The following ADHFE1 variants were observed in gnomAD, a reference collection of about 807,000 sequenced individuals.
The protein encoded by ADHFE1 is alcohol dehydrogenase iron containing 1.
ADHFE1 carries 37 observed loss-of-function variants against 54.8 expected under a neutral mutation model. The observed-to-expected ratio is 0.68, with a 90% CI of 0.52 to 0.89. ADHFE1 has a LOEUF of 0.89. Ranked by LOEUF, ADHFE1 falls within the 40% of genes least tolerant of loss-of-function variation. The pLI is 0.00. For synonymous variants in ADHFE1, 203 were observed against 229.3 expected (o/e 0.89, Z 1.04); for missense variants, 601 against 591.2 (o/e 1.02, Z -0.17).
Position 66,432,550 on chromosome 8 carries a change from T to A in ADHFE1, c.34T>A (p.Leu12Met), listed in dbSNP as rs760514055. Residue 12 changes from leucine (L) to methionine (M), a missense_variant, in exon 1 of 14, where the codon TTG (leucine) becomes ATG (methionine). By Grantham distance (15) the Leu-to-Met change is conservative. Coordinates refer to ENST00000396623, the MANE Select transcript of ADHFE1 (RefSeq NM_144650.3). ...AAAARARVAY[L>M]LRQLQRAACQ... ...TGCCGCCCGAGCCCGGGTCGCGTAC[T>A]TGCTGAGGCAACTGCAACGCGCAGC... 5 of 1,356,372 alleles carry A rather than the reference T, an allele frequency of 3.7e-6. No homozygotes were observed. In the South Asian group the frequency reaches 9.3e-5, roughly 25 times the overall value. The allele number at this position is 1,356,372 out of a possible 1,614,324, so 84.0% of individuals were successfully genotyped here.
chr8:66,444,525 C>T lies in ADHFE1; in HGVS notation c.199-69C>T, dbSNP rs62511185. The T allele has an allele frequency of 5.4e-3, 8,756 of 1,607,190 alleles. 35 individuals are homozygous for T. The highest frequency in any genetic ancestry group is 6.3e-3 in the Non-Finnish European group (7,378 of 1,174,824). On this transcript the variant is annotated intron_variant, in intron 4 of 13. Transcript: ENST00000396623. ...ATCCTCTATTTTTAAAAATGTACAA[C>T]GTGAGTTTGCCAGAAGAGTCTATTG...
At chr8:66,460,632 C>T (rs1264261362) in intron 13 of ADHFE1, among the ~76,000 whole-genome samples, 167 bp downstream of exon 13, 1 of 152,218 alleles carries the variant, frequency 6.6e-6, no homozygotes, top group Non-Finnish European at 1.5e-5. Flanking sequence ...TGCAACAGGG[C>T]CAGGCCCTCG....
intron 8 of ADHFE1, 134 bp downstream of exon 8, chr8:66,449,104 CT>C (rs1175363778): frequency 1.2e-5 from 9 of 749,758 alleles, no homozygotes; most frequent in East Asian, 2.7e-5. Flanking sequence ...TCATTACCCC[CT>C]GTCCTAAATC....
At chr8:66,443,732 A>C (rs762821024) in intron 3 of ADHFE1, among the ~76,000 whole-genome samples, 42 of 152,242 alleles carry the variant, frequency 2.8e-4, no homozygotes, top group Non-Finnish European at 5.6e-4. Flanking sequence ...ATGGGAATGC[A>C]TTCCCAGTTT....
intron 12 of ADHFE1, 67 bp downstream of exon 12, chr8:66,457,233 T>C: frequency 1.3e-6 from 2 of 1,482,888 alleles, no homozygotes; most frequent in Non-Finnish European, 1.9e-6. Flanking sequence ...AATCCCAGCA[T>C]TTTGGGAGGC....
chr8:66,458,784 T>C (rs1308981070), intron 12 of ADHFE1, among the ~76,000 whole-genome samples: 1 of 152,240 alleles, frequency 6.6e-6, no homozygotes, highest in Admixed American at 6.5e-5. Flanking sequence ...TAGCTTAGAA[T>C]ACTGATGTAT....
chr8:66,444,482 C>G, intron 4 of ADHFE1, 62 bp downstream of exon 4: 1 of 1,606,512 alleles, frequency 6.2e-7, no homozygotes, highest in Non-Finnish European at 8.5e-7. Context: ...CAAGACCATG[C>G]TAAATGACAA....
In ADHFE1 at chr8:66,444,387, A is replaced by T. The variant is rs1466359234; in HGVS notation, c.165A>T (p.Arg55Ser). 1 of 1,614,016 alleles carries T rather than the reference A, an allele frequency of 6.2e-7. No homozygotes were observed. The highest frequency in any genetic ancestry group is 1.3e-5 in the African/African-American group (1 of 74,906). The change falls in exon 4 of 14, where the codon AGA becomes AGT. Residue 55 changes from arginine to serine, a missense_variant. Coordinates refer to ENST00000396623, the MANE Select transcript of ADHFE1 (RefSeq NM_144650.3). ...YAFEMAVSNI[R>S]YGAAVTKEVG... Reference sequence around the variant, plus strand: ...TTCAGATGGCTGTTTCAAATATTAGATATGGAGCAGCAGTTACAAAGGAAG... The same window carrying T: ...TTCAGATGGCTGTTTCAAATATTAGTTATGGAGCAGCAGTTACAAAGGAAG...
At chr8:66,459,886 T>G in intron 12 of ADHFE1, 1 of 156,176 alleles carries the variant, frequency 6.4e-6, no homozygotes, top group Non-Finnish European at 1.4e-5. Context: ...TTGCAAAGGA[T>G]TTGTCTTTTT....
chr8:66,453,841 G>A (rs768400178), intron 9 of ADHFE1: 47 of 1,490,732 alleles, frequency 3.2e-5, no homozygotes, highest in Middle Eastern at 1.8e-4. Context: ...AGCTGACAGC[G>A]TATTTATTAT....
chr8:66,442,056 G>A (rs1048521110), intron 2 of ADHFE1, among the ~76,000 whole-genome samples: 5 of 151,210 alleles, frequency 3.3e-5, no homozygotes, highest in Non-Finnish European at 7.4e-5. Flanking sequence ...ATATCTTACT[G>A]TGATAAGTTA....
chr8:66,447,392 T>C (rs1427596646), intron 7 of ADHFE1, 51 bp downstream of exon 7: 3 of 1,361,646 alleles, frequency 2.2e-6, no homozygotes, highest in Non-Finnish European at 3.1e-6. Context: ...CTCCACACTC[T>C]TCTTTAAATC....
intron 3 of ADHFE1, among the ~76,000 whole-genome samples, chr8:66,443,399 T>G (rs2130378607): frequency 6.6e-6 from 1 of 151,416 alleles, no homozygotes; most frequent in African/African-American, 2.4e-5. Context: ...TGCCTCAGCC[T>G]TCTGAGTAGC....
At position 66,447,289 on chromosome 8, in the gene ADHFE1, T is replaced by C; in HGVS notation, c.576T>C (p.Ser192=). The C allele has an allele frequency of 6.2e-7, 1 of 1,613,370 alleles. No homozygotes were observed. The highest frequency in any genetic ancestry group is 8.5e-7 in the Non-Finnish European group (1 of 1,179,616). ...TGCCAACTACCTCAGGAACCGGGAGTGAAACTACTGGGGTTGCCATTTTTG... is the reference window on the plus strand; with the variant it reads ...TGCCAACTACCTCAGGAACCGGGAGCGAAACTACTGGGGTTGCCATTTTTG... ...IAVPTTSGTG[S]ETTGVAIFDY... Residue 192 remains serine (S), a synonymous_variant, in exon 7 of 14, where the codon AGT becomes AGC. Transcript: ENST00000396623.
At chr8:66,433,926 C>G (rs1286738279) in intron 1 of ADHFE1, among the ~76,000 whole-genome samples, 1 of 152,148 alleles carries the variant, frequency 6.6e-6, no homozygotes, top group Non-Finnish European at 1.5e-5. Flanking sequence ...CCATTTATAT[C>G]CCATGGAATC....
At position 66,445,335 on chromosome 8, in the gene ADHFE1, T is replaced by A; in HGVS notation, c.471T>A (p.His157Gln). The A allele has an allele frequency of 6.2e-7, 1 of 1,614,136 alleles. No individual in the cohort carries two copies. Among genetic ancestry groups the A allele is most frequent in the South Asian group, 1.1e-5 (1 of 91,070 alleles). Reference sequence around the variant, plus strand: ...CTAATCTGTATGCATCCAGCCCTCATTCTGATTTCCTAGATTATGTCAGTG... The same window carrying A: ...CTAATCTGTATGCATCCAGCCCTCAATCTGATTTCCTAGATTATGTCAGTG... ...KAANLYASSP[H>Q]SDFLDYVSAP... The change falls in exon 6 of 14, where the codon CAT (histidine) becomes CAA (glutamine). Residue 157 changes from histidine to glutamine, a missense_variant. Transcript: ENST00000396623.
intron 13 of ADHFE1, among the ~76,000 whole-genome samples, chr8:66,462,881 G>T (rs561875761): frequency 6.6e-6 from 1 of 152,170 alleles, no homozygotes; most frequent in Non-Finnish European, 1.5e-5. Flanking sequence ...GAGGGCAGTG[G>T]TGCAATCTTG....
At chr8:66,445,450 G>C (rs1390606037) in intron 6 of ADHFE1, 36 bp downstream of exon 6, 18 of 1,557,186 alleles carry the variant, frequency 1.2e-5, no homozygotes, top group Non-Finnish European at 1.5e-5. Context: ...GTTTTATTTT[G>C]CAATGAGCAA....
intron 8 of ADHFE1, 116 bp from the exon 9 acceptor site, chr8:66,451,837 A>G: frequency 8.3e-7 from 1 of 1,209,986 alleles, no homozygotes; most frequent in Non-Finnish European, 1.2e-6. Flanking sequence ...TCAGTGTTAG[A>G]TAATATATCC....
Sources: allele counts gnomAD v4.1 joint callset (sites outside exome capture counted in the v4.1 genomes callset), GRCh38; gene constraint gnomAD v4.1.1; transcripts MANE v1.5; gene names NCBI Gene and HGNC (gene_info 2026-07-23, HGNC 2026-07-21).